GINM1: variants seen among roughly 807,000 people sequenced by gnomAD.
GINM1 encodes the protein glycoprotein integral membrane protein 1.
A neutral mutation model predicts 37.8 loss-of-function variants in GINM1; 29 were observed. The observed-to-expected ratio is 0.77, with a 90% CI of 0.57 to 1.05. GINM1 has a LOEUF of 1.05. Ranked by LOEUF, GINM1 falls within the 50% of genes least tolerant of loss-of-function variation. The pLI, the probability that GINM1 is intolerant of heterozygous loss-of-function variation, is 0.00. For synonymous variants in GINM1, 143 were observed against 146.2 expected, an observed-to-expected ratio of 0.98 and a Z score of 0.16; for missense variants, 377 against 397.9, an observed-to-expected ratio of 0.95 and a Z score of 0.45.
At chr6:149,586,744 A>G (rs1233274682) in intron 7 of GINM1, among the ~76,000 whole-genome samples, 3 of 151,722 alleles carry the variant, frequency 2.0e-5, no homozygotes, top group Admixed American at 2.0e-4. Flanking sequence ...TTTTAATTCT[A>G]TTTTATTTTT....
In GINM1 at chr6:149,572,198, G is replaced by C. The variant is rs954907550; in HGVS notation, c.121-87G>C. ...TGCTGTTATAAGTGATTGTACAATA[G>C]ATACAATTGGAGGGAAAAGAGAAAG... On this transcript the variant is annotated intron_variant, in intron 1 of 7. Coordinates refer to ENST00000367419, the MANE Select transcript of GINM1 (RefSeq NM_138785.5). The C allele has an allele frequency of 5.5e-5, 40 of 721,306 alleles. No homozygotes were observed. In the African/African-American group the frequency reaches 7.1e-4, roughly 13 times the overall value. The allele number at this position is 721,306 out of a possible 1,614,324, so 44.7% of individuals were successfully genotyped here. A position where few individuals can be genotyped will look rare whatever the true frequency, so the allele number is the denominator to read the frequency against.
chr6:149,586,373 G>A lies in GINM1; in HGVS notation c.881+3770G>A, dbSNP rs573593974. On this transcript the variant is annotated intron_variant, in intron 7 of 7. Coordinates refer to ENST00000367419, the MANE Select transcript of GINM1 (RefSeq NM_138785.5). Reference sequence around the variant, plus strand: ...ACTCATTCCCTTCCCCTCCAGAGAGGGCATTAATCTGTTCATGAAGGATCT... The same window carrying A: ...ACTCATTCCCTTCCCCTCCAGAGAGAGCATTAATCTGTTCATGAAGGATCT... 4.0e-4 allele frequency among the ~76,000 whole-genome samples: 61 copies of A among 152,182 alleles called. 1 individual carries two copies. The South Asian group carries it at 0.011, about 28-fold the overall frequency.
intron 7 of GINM1, among the ~76,000 whole-genome samples, chr6:149,585,885 C>T (rs1323822518): frequency 6.6e-6 from 1 of 152,144 alleles, no homozygotes; most frequent in Non-Finnish European, 1.5e-5. Context: ...AGCCACCGCG[C>T]CCAGCAATTT....
Position 149,572,552 on chromosome 6 carries a change from G to T in GINM1, c.226G>T (p.Asp76Tyr). ...TYESGQVYVN[D>Y]LPVNSGVTRI... ...TGAGAGTGGACAGGTGTATGTAAAT[G>T]ACTTACCTGTAAATAGTGGTGTAAC... Residue 76 changes from aspartate (D) to tyrosine (Y), a missense_variant, in exon 3 of 8, where the codon GAC becomes TAC. Transcript: ENST00000367419. 6.2e-7 allele frequency: 1 copy of T among 1,608,410 alleles called. No homozygotes were observed. Among genetic ancestry groups the T allele is most frequent in the South Asian group, 1.1e-5 (1 of 90,672 alleles).
Position 149,590,917 on chromosome 6 carries a change from G to C in GINM1, c.*79G>C, listed in dbSNP as rs539709105. 3 of 683,454 alleles carry C rather than the reference G, an allele frequency of 4.4e-6. No homozygotes were observed. The Admixed American group carries it at 7.6e-5, about 17-fold the overall frequency. The allele number at this position is 683,454 out of a possible 1,614,324, so 42.3% of individuals were successfully genotyped here. ...ACTTGAATATAATTTTCTTTAAATCGTTAAGAATCAGTTTATACACTAGAG... is the reference window on the plus strand; with the variant it reads ...ACTTGAATATAATTTTCTTTAAATCCTTAAGAATCAGTTTATACACTAGAG... On this transcript the variant is annotated 3_prime_UTR_variant, in exon 8 of 8. Transcript: ENST00000367419.
At chr6:149,584,484 C>T (rs1476691915) in intron 7 of GINM1, 1 of 152,072 alleles carries the variant, frequency 6.6e-6, no homozygotes, top group Non-Finnish European at 1.5e-5. Context: ...ACTAATGCCT[C>T]CCTTGAAGGA....
chr6:149,566,431 C>T lies in GINM1; in HGVS notation c.17C>T (p.Pro6Leu), dbSNP rs769668787. The change falls in exon 1 of 8, where the codon CCG becomes CTG. Residue 6 changes from proline to leucine, a missense_variant. Pro to Leu is a moderately conservative substitution (Grantham distance 98). Transcript: ENST00000367419. This position sits in a 1 kb window ranked among gnomAD's most constrained non-coding sequence, Gnocchi z 4.4. ...TTGTCCAAGATGGAGGGCGCTCCAC[C>T]GGGGTCGCTCGCCCTCCGGCTCCTG... Reference protein sequence around the residue: MEGAPPGSLALRLLLF... With the variant: MEGAPLGSLALRLLLF... 1.3e-6 allele frequency: 2 copies of T among 1,572,192 alleles called. No homozygotes were observed. The highest frequency in any genetic ancestry group is 1.1e-5 in the South Asian group (1 of 87,904).
Position 149,591,065 on chromosome 6 carries a change from C to T in GINM1, c.*227C>T, listed in dbSNP as rs560649369. On this transcript the variant is annotated 3_prime_UTR_variant, in exon 8 of 8. Coordinates refer to ENST00000367419, the MANE Select transcript of GINM1 (RefSeq NM_138785.5). ...ATCCCAGGACTTTGGGAGGCCAATGCGGGCGGATCACGAGGTCAGATCAAG... is the reference window on the plus strand; with the variant it reads ...ATCCCAGGACTTTGGGAGGCCAATGTGGGCGGATCACGAGGTCAGATCAAG... The T allele has an allele frequency of 6.4e-5, 26 of 406,994 alleles. No homozygotes were observed. The highest frequency in any genetic ancestry group is 3.8e-4 in the East Asian group (8 of 21,050). The allele number at this position is 406,994 out of a possible 1,614,324, so 25.2% of individuals were successfully genotyped here.
intron 7 of GINM1, among the ~76,000 whole-genome samples, chr6:149,583,639 A>G (rs1338830150): frequency 6.6e-6 from 1 of 151,884 alleles, no homozygotes; most frequent in Admixed American, 6.6e-5. Flanking sequence ...AAAAAAAAAA[A>G]AAAAAGTAAA....
chr6:149,569,102 A>C (rs192581130), intron 1 of GINM1, among the ~76,000 whole-genome samples: 81 of 152,194 alleles, frequency 5.3e-4, no homozygotes, highest in African/African-American at 1.9e-3. Context: ...ATCTCGGCTC[A>C]CTGCAACTTC....
Position 149,566,512 on chromosome 6 carries a change from C to T in GINM1, c.98C>T (p.Pro33Leu). The T allele has an allele frequency of 1.3e-6, 2 of 1,530,186 alleles. No homozygotes were observed. Among genetic ancestry groups the T allele is most frequent in the East Asian group, 2.5e-5 (1 of 39,822 alleles). 94.8% of individuals were successfully genotyped at this position (1,530,186 alleles called of 1,614,324 possible). ...GWLTTGAPEP[P>L]PLSGAPQDGI... ...CTGACGACGGGCGCCCCCGAGCCGC[C>T]GCCGCTGTCCGGAGCCCCACAGGTA... The change falls in exon 1 of 8, where the codon CCG becomes CTG. Residue 33 changes from proline (P) to leucine (L), a missense_variant. Coordinates refer to ENST00000367419, the MANE Select transcript of GINM1 (RefSeq NM_138785.5). This position sits in a 1 kb window ranked among gnomAD's most constrained non-coding sequence, Gnocchi z 4.4.
chr6:149,571,812 G>A (rs1163028536), intron 1 of GINM1, among the ~76,000 whole-genome samples: 2 of 152,248 alleles, frequency 1.3e-5, no homozygotes, highest in Non-Finnish European at 1.5e-5. Flanking sequence ...ACCGGGCGCG[G>A]TGACTCACGC....
intron 3 of GINM1, among the ~76,000 whole-genome samples, chr6:149,574,004 A>G (rs898413681): frequency 6.6e-6 from 1 of 151,710 alleles, no homozygotes; most frequent in Admixed American, 6.6e-5. Context: ...GGAATATGCC[A>G]TATTATTTGG....
At chr6:149,580,865 G>T in intron 6 of GINM1, 142 bp downstream of exon 6, 1 of 617,784 alleles carries the variant, frequency 1.6e-6, no homozygotes, top group Non-Finnish European at 2.7e-6. Context: ...GTCTTAATGT[G>T]ATATTTTTAG....
chr6:149,585,007 T>C (rs1778048652), intron 7 of GINM1, among the ~76,000 whole-genome samples: 1 of 152,026 alleles, frequency 6.6e-6, no homozygotes, highest in African/African-American at 2.4e-5. Context: ...AGTTTTGGAT[T>C]TTGGAGCATT....
rs770752620 is a variant in GINM1, at chr6:149,580,556, C to G, written c.587-37C>G. 4.0e-5 allele frequency: 63 copies of G among 1,585,962 alleles called. No homozygotes were observed. The African/African-American group carries it at 8.3e-4, about 21-fold the overall frequency. On this transcript the variant is annotated intron_variant, in intron 5 of 7. Transcript: ENST00000367419. ...ATCTTAGGACTAGTAGGATAAGACA[C>G]CAGCATTTTGGTAACGTTGCTCTTT...
intron 1 of GINM1, among the ~76,000 whole-genome samples, chr6:149,570,147 T>C (rs1215698021): frequency 9.5e-5 from 1 of 10,552 alleles, no homozygotes; most frequent in Non-Finnish European, 2.1e-4. Context: ...TATATATATA[T>C]ATATATATAT....
Position 149,582,374 on chromosome 6 carries a change from A to C in GINM1, c.718-66A>C, listed in dbSNP as rs569470855. 6.5e-6 allele frequency: 9 copies of C among 1,388,632 alleles called. No individual in the cohort carries two copies. In the Admixed American group the frequency reaches 8.7e-5, roughly 13 times the overall value. The allele number at this position is 1,388,632 out of a possible 1,614,324, so 86.0% of individuals were successfully genotyped here. ...TTATCATCCCAAAGCTAAAACATTA[A>C]AAAATTTAAAGTTTATTCTTAGAGA... On this transcript the variant is annotated intron_variant, in intron 6 of 7. Coordinates refer to ENST00000367419, the MANE Select transcript of GINM1 (RefSeq NM_138785.5).
At position 149,566,875 on chromosome 6, in the gene GINM1, G is replaced by A. The variant is rs962672776; in HGVS notation, c.120+341G>A. Among the ~76,000 whole-genome samples, 1 of 152,260 alleles carries A rather than the reference G, an allele frequency of 6.6e-6. No individual in the cohort carries two copies. The highest frequency in any genetic ancestry group is 2.4e-5 in the African/African-American group (1 of 41,470). ...TTCGTAATGGCGCCTTCCCGGGGTAGAGCCAGCGCTTGGGCAAGGAATGTT... is the reference window on the plus strand; with the variant it reads ...TTCGTAATGGCGCCTTCCCGGGGTAAAGCCAGCGCTTGGGCAAGGAATGTT... On this transcript the variant is annotated intron_variant, in intron 1 of 7. Transcript: ENST00000367419. The surrounding 1 kb of genome is among the most constrained non-coding windows in gnomAD (Gnocchi z 4.4).
Sources: gnomAD v4.1 joint callset for allele counts (sites outside exome capture counted in the v4.1 genomes callset) on GRCh38, gnomAD v4.1.1 for gene constraint, Gnocchi (gnomAD v3.1) non-coding constraint, MANE v1.5 for transcripts, NCBI Gene and HGNC (gene_info 2026-07-23, HGNC 2026-07-21) for gene names.